The following SULT1B1 variants were observed in gnomAD, a reference collection of about 807,000 sequenced individuals.
SULT1B1 encodes sulfotransferase 1B1.
A neutral mutation model predicts 34.6 loss-of-function variants in SULT1B1; 28 were observed. That is an observed-to-expected ratio of 0.81 (90% confidence interval 0.60 to 1.11). SULT1B1 has a LOEUF of 1.11. Ranked by LOEUF, SULT1B1 falls within the 50% of genes least tolerant of loss-of-function variation. The pLI is 0.00. For synonymous variants in SULT1B1, 147 were observed against 110.2 expected, an observed-to-expected ratio of 1.33 and a Z score of -2.09; for missense variants, 374 against 352.2, an observed-to-expected ratio of 1.06 and a Z score of -0.50.
intron 5 of SULT1B1, 68 bp from the exon 6 acceptor site, chr4:69,733,575 A>C: frequency 8.4e-7 from 1 of 1,192,142 alleles, no homozygotes; most frequent in Non-Finnish European, 1.2e-6. Flanking sequence ...TGAATAGTAA[A>C]TCAAATTGTG....
At position 69,725,592 on chromosome 4, in the gene SULT1B1, T is replaced by G. The variant is rs1316245280; in HGVS notation, c.*1496A>C. 1 of 152,086 alleles carries G rather than the reference T, an allele frequency of 6.6e-6. No individual in the cohort carries two copies. The highest frequency in any genetic ancestry group is 1.9e-4 in the East Asian group (1 of 5,182). The allele number at this position is 152,086 out of a possible 1,614,324, so 9.4% of individuals were successfully genotyped here. ...CACACGTATATTTATTGCGGCACTA[T>G]TCACAATAGCAAAGACTTGGAACCA... is the stretch of plus-strand genomic sequence containing the variant. On this transcript the variant is annotated 3_prime_UTR_variant, in exon 8 of 8. Transcript: ENST00000310613.
chr4:69,733,042 A>T (rs1481021418), intron 6 of SULT1B1, among the ~76,000 whole-genome samples: 1 of 152,148 alleles, frequency 6.6e-6, no homozygotes, highest in Non-Finnish European at 1.5e-5. Flanking sequence ...AATAGTTGTG[A>T]AAACAATAAG....
At position 69,724,619 on chromosome 4, in the gene SULT1B1, C is replaced by G. The variant is rs892340286; in HGVS notation, c.*2469G>C. The G allele has an allele frequency of 6.6e-6, 1 of 152,274 alleles. No individual in the cohort carries two copies. Among genetic ancestry groups the G allele is most frequent in the African/African-American group, 2.4e-5 (1 of 41,446 alleles). 9.4% of individuals were successfully genotyped at this position (152,274 alleles called of 1,614,324 possible). On this transcript the variant is annotated 3_prime_UTR_variant, in exon 8 of 8. Coordinates refer to ENST00000310613, the MANE Select transcript of SULT1B1 (RefSeq NM_014465.4). ...AAGCATCATACTACCTGACTTCAAACTATACTACAAGGCTACAGTAACCAA... is the reference window on the plus strand; with the variant it reads ...AAGCATCATACTACCTGACTTCAAAGTATACTACAAGGCTACAGTAACCAA...
Position 69,730,504 on chromosome 4 carries a change from T to G in SULT1B1, c.775A>C (p.Lys259Gln), listed in dbSNP as rs774227266. 1 of 1,599,828 alleles carries G rather than the reference T, an allele frequency of 6.3e-7. No homozygotes were observed. The highest frequency in any genetic ancestry group is 1.1e-5 in the South Asian group (1 of 90,432). Reference sequence around the variant, plus strand: ...TTAAACCCAGCAAAGTATTTACCTTTACGCATAAAAGGGGATTTGCTATGA... The same window carrying G: ...TTAAACCCAGCAAAGTATTTACCTTGACGCATAAAAGGGGATTTGCTATGA... Reference protein sequence around the residue: ...MDHSKSPFMRKGTAGDWKNYF... With the variant: ...MDHSKSPFMRQGTAGDWKNYF... The change falls in exon 7 of 8, where the codon AAA becomes CAA. Residue 259 changes from lysine to glutamine, a missense_variant. Lys to Gln is a moderately conservative substitution (Grantham distance 53). Transcript: ENST00000310613.
Position 69,724,964 on chromosome 4 carries a change from AG to A in SULT1B1, c.*2123del, listed in dbSNP as rs1717759991. On this transcript the variant is annotated 3_prime_UTR_variant, in exon 8 of 8. Coordinates refer to ENST00000310613, the MANE Select transcript of SULT1B1 (RefSeq NM_014465.4). Reference sequence around the variant, plus strand: ...ATCATTCAGGACATAGGCATGGGCAAGGACTTCATGTCTAAAACACCAAAAG... The same window carrying A: ...ATCATTCAGGACATAGGCATGGGCAAGACTTCATGTCTAAAACACCAAAAG... 1 of 152,230 alleles carries A rather than the reference AG, an allele frequency of 6.6e-6. No homozygotes were observed. The allele number at this position is 152,230 out of a possible 1,614,324, so 9.4% of individuals were successfully genotyped here.
chr4:69,759,207 G>A (rs1175481251), intron 1 of SULT1B1, among the ~76,000 whole-genome samples: 1 of 152,188 alleles, frequency 6.6e-6, no homozygotes, highest in Non-Finnish European at 1.5e-5. Context: ...TTAGGAAACA[G>A]ATCTTCAGAG....
chr4:69,746,651 C>A (rs1470829336), intron 4 of SULT1B1, among the ~76,000 whole-genome samples: 1 of 152,040 alleles, frequency 6.6e-6, no homozygotes, highest in East Asian at 1.9e-4. Flanking sequence ...TTCTATATTT[C>A]ATTGAGTTTC....
rs1717671109 is a variant in SULT1B1, at chr4:69,721,634, T to C, written c.*5454A>G. On this transcript the variant is annotated 3_prime_UTR_variant, in exon 8 of 8. Coordinates refer to ENST00000310613, the MANE Select transcript of SULT1B1 (RefSeq NM_014465.4). ...TGGGAAAGAGAATGAAGAATGTAGA[T>C]AGAAAATAATTTAGGAAGATAACAC... is the stretch of plus-strand genomic sequence containing the variant. 3 of 152,048 alleles carry C rather than the reference T, an allele frequency of 2.0e-5. No homozygotes were observed. The highest frequency in any genetic ancestry group is 4.1e-4 in the South Asian group (2 of 4,830). 9.4% of individuals were successfully genotyped at this position (152,048 alleles called of 1,614,324 possible).
rs576718850 is a variant in SULT1B1 at position 69,760,304 on chromosome 4, C to T, written c.-45+155G>A. On this transcript the variant is annotated intron_variant, in intron 1 of 7. Transcript: ENST00000310613. ...TGAAAGCTTGAGAGATTTTAGACAG[C>T]ATAAACAATGAAAGTTTCCTATAAG... The T allele has an allele frequency of 2.7e-4, 190 of 716,548 alleles. 1 individual carries two copies. The African/African-American group carries it at 3.4e-3, about 13-fold the overall frequency. 44.4% of individuals were successfully genotyped at this position (716,548 alleles called of 1,614,324 possible).
chr4:69,741,956 T>G (rs1368614731), intron 4 of SULT1B1, among the ~76,000 whole-genome samples: 1 of 152,228 alleles, frequency 6.6e-6, no homozygotes, highest in Non-Finnish European at 1.5e-5. Flanking sequence ...CCTTGTTTTG[T>G]TCCAGTTCTC....
chr4:69,743,352 C>T (rs918558468), intron 4 of SULT1B1, among the ~76,000 whole-genome samples: 13 of 152,150 alleles, frequency 8.5e-5, no homozygotes, highest in East Asian at 3.9e-4. Context: ...CTGGTCCTCC[C>T]GTCATCTCTT....
intron 7 of SULT1B1, among the ~76,000 whole-genome samples, chr4:69,728,087 A>C (rs1018532470): frequency 1.3e-4 from 20 of 152,100 alleles, no homozygotes; most frequent in African/African-American, 4.1e-4. Context: ...CCAGATGTCA[A>C]TAGCTCTGGA....
chr4:69,732,505 A>T (rs1479391655), intron 6 of SULT1B1, among the ~76,000 whole-genome samples: 4 of 152,100 alleles, frequency 2.6e-5, no homozygotes, highest in Non-Finnish European at 5.9e-5. Flanking sequence ...TGTTGTATGC[A>T]CTGTATTAAG....
intron 1 of SULT1B1, chr4:69,758,433 CT>C: frequency 1.0e-6 from 1 of 985,284 alleles, no homozygotes; most frequent in Non-Finnish European, 1.2e-6. Context: ...TGAAATAGCT[CT>C]TTCTGAAACA....
At chr4:69,757,576 A>G (rs1367818812) in intron 1 of SULT1B1, among the ~76,000 whole-genome samples, 1 of 151,346 alleles carries the variant, frequency 6.6e-6, no homozygotes, top group Non-Finnish European at 1.5e-5. Context: ...CACCATCACT[A>G]CCCCCATCTA....
intron 4 of SULT1B1, among the ~76,000 whole-genome samples, chr4:69,743,755 G>T (rs557728615): frequency 2.0e-5 from 3 of 152,146 alleles, no homozygotes; most frequent in Admixed American, 1.3e-4. Flanking sequence ...CATCCAACTG[G>T]GCTATGACAG....
chr4:69,727,166 C>T lies in SULT1B1; in HGVS notation c.813G>A (p.Val271=), dbSNP rs1717869159. The change falls in exon 8 of 8, where the codon GTG becomes GTA. Residue 271 remains valine, a synonymous_variant. Coordinates refer to ENST00000310613, the MANE Select transcript of SULT1B1 (RefSeq NM_014465.4). ...TAGCATCAAATTTCTCATTTTGGGC[C>T]ACGGTGAAGTAATTCTTCCAGTCAC... is the stretch of plus-strand genomic sequence containing the variant. ...TAGDWKNYFT[V]AQNEKFDAIY... 2 of 1,611,024 alleles carry T rather than the reference C, an allele frequency of 1.2e-6. No homozygotes were observed. The highest frequency in any genetic ancestry group is 3.4e-5 in the Admixed American group (2 of 59,620).
rs1476732605 is a variant in SULT1B1 at position 69,755,263 on chromosome 4, T to C, written c.-44-2A>G. 1.3e-6 allele frequency: 2 copies of C among 1,585,522 alleles called. No homozygotes were observed. Among genetic ancestry groups the C allele is most frequent in the Non-Finnish European group, 1.7e-6 (2 of 1,157,074 alleles). ...ATATATAATAGATTGACAGTTGTTC[T>C]GGAGAAATATAGAGAATAAAAATCA... On this transcript the variant is annotated splice_acceptor_variant, in intron 1 of 7. Transcript: ENST00000310613. LOFTEE classifies it low-confidence loss of function (5UTR_SPLICE).
chr4:69,754,488 A>G (rs893692413), intron 3 of SULT1B1, among the ~76,000 whole-genome samples, 182 bp downstream of exon 3: 2 of 152,178 alleles, frequency 1.3e-5, no homozygotes, highest in Non-Finnish European at 2.9e-5. Context: ...CTTTGATATC[A>G]TACCTGGATG....
Sources: allele counts gnomAD v4.1 joint callset (sites outside exome capture counted in the v4.1 genomes callset), GRCh38; gene constraint gnomAD v4.1.1; transcripts MANE v1.5; gene names NCBI Gene and HGNC (gene_info 2026-07-23, HGNC 2026-07-21).